Variants in HPS1 observed in about 807,000 individuals in gnomAD.
The protein encoded by HPS1 is HPS1 biogenesis of lysosomal organelles complex 3 subunit 1.
In HPS1, 59 loss-of-function variants were observed where a neutral mutation model predicts 90.6. That is an observed-to-expected ratio of 0.65 (90% CI 0.53 to 0.81). The LOEUF is 0.81. Ranked by LOEUF, HPS1 falls within the 30% of genes least tolerant of loss-of-function variation. The pLI is 0.00. For missense variants in HPS1, 849 were observed against 896.7 expected (o/e 0.95, Z 0.68); for synonymous variants, 388 against 384.4 (o/e 1.01, Z -0.11).
At chr10:98,428,611 T>C (rs566992524) in intron 10 of HPS1, among the ~76,000 whole-genome samples, 1 of 152,208 alleles carries the variant, frequency 6.6e-6, no homozygotes, top group Admixed American at 6.5e-5. Context: ...ATAAATTCCT[T>C]TCAAATCCTA....
At chr10:98,415,209 G>A, downstream of HPS1, 1 of 1,541,018 alleles carries the variant, frequency 6.5e-7, no homozygotes, top group East Asian at 2.3e-5. Context: ...TAGGCACGGG[G>A]TGGAGCAGGG....
At chr10:98,443,756 G>C (rs1359721762) in intron 2 of HPS1, among the ~76,000 whole-genome samples, 1 of 152,182 alleles carries the variant, frequency 6.6e-6, no homozygotes, top group Non-Finnish European at 1.5e-5. Flanking sequence ...TCCAGGGCTG[G>C]GCGCGGTGGC....
intron 3 of HPS1, among the ~76,000 whole-genome samples, chr10:98,437,459 A>T (rs150876334): frequency 7.0e-4 from 107 of 152,362 alleles, no homozygotes; most frequent in African/African-American, 2.4e-3. Flanking sequence ...GCAACAGACC[A>T]CGCATGATAG....
At chr10:98,437,088 C>G (rs1847448873) in intron 3 of HPS1, among the ~76,000 whole-genome samples, 1 of 152,132 alleles carries the variant, frequency 6.6e-6, no homozygotes, top group Admixed American at 6.5e-5. Context: ...CATTTAACTT[C>G]TCCAGACTAT....
rs747785567 is a variant in HPS1 at position 98,424,295 on chromosome 10, C to T, written c.1397+18G>A. The T allele has an allele frequency of 6.2e-7, 1 of 1,606,508 alleles. No individual in the cohort carries two copies. The highest frequency in any genetic ancestry group is 1.1e-5 in the South Asian group (1 of 90,122). On this transcript the variant is annotated intron_variant, in intron 14 of 19. Coordinates refer to ENST00000361490, the MANE Select transcript of HPS1 (RefSeq NM_000195.5). ...CTGGGCACACGACCCACCCCTTGTC[C>T]TGAGGCCCACCACTCACTCCCAGGA...
chr10:98,422,368 C>T lies in HPS1; in HGVS notation c.1743+1G>A, dbSNP rs2136122681. Reference sequence around the variant, plus strand: ...TCCCCGCCCTGGGTCCAAATGGTTACCTTAGTTTTGACAAAGGCAGCCAGC... The same window carrying T: ...TCCCCGCCCTGGGTCCAAATGGTTATCTTAGTTTTGACAAAGGCAGCCAGC... On this transcript the variant is annotated splice_donor_variant, in intron 17 of 19. Transcript: ENST00000361490. LOFTEE classifies it high-confidence loss of function. 1 of 1,461,386 alleles carries T rather than the reference C, an allele frequency of 6.8e-7. No homozygotes were observed. The highest frequency in any genetic ancestry group is 1.1e-5 in the South Asian group (1 of 88,616). 90.5% of individuals were successfully genotyped at this position (1,461,386 alleles called of 1,614,324 possible). A position where few individuals can be genotyped will look rare whatever the true frequency, so the allele number is the denominator to read the frequency against.
At chr10:98,426,745 AGTGTGTGTGTGT>A (rs58431822) in intron 11 of HPS1, among the ~76,000 whole-genome samples, 25 of 147,898 alleles carry the variant, frequency 1.7e-4, no homozygotes, top group East Asian at 5.9e-4. Context: ...GTACATATGT[AGTGTGTGTGTGT>A]GTGTGTGTGT....
At chr10:98,418,041 G>A (rs1039898362) in intron 19 of HPS1, 134 bp downstream of exon 19, 8 of 695,278 alleles carry the variant, frequency 1.2e-5, no homozygotes, top group African/African-American at 3.6e-5. Context: ...AGGGCCAGCC[G>A]GGAAGGTGTT....
At position 98,445,753 on chromosome 10, in the gene HPS1, T is replaced by C. The variant is rs1382950615; in HGVS notation, c.-105-349A>G. Among the ~76,000 whole-genome samples the C allele has an allele frequency of 6.6e-6, 1 of 151,942 alleles. No individual in the cohort carries two copies. The highest frequency in any genetic ancestry group is 1.5e-5 in the Non-Finnish European group (1 of 67,964). ...GGGAGACAGCATAGCACATCCCAGG[T>C]GGTGAGGATGCAGTCCCGGTGAAGG... On this transcript the variant is annotated intron_variant, in intron 1 of 19. Transcript: ENST00000361490. This position sits in a 1 kb window ranked among gnomAD's most constrained non-coding sequence, Gnocchi z 4.5.
intron 11 of HPS1, 165 bp downstream of exon 11, chr10:98,427,050 G>T: frequency 1.7e-6 from 1 of 592,786 alleles, no homozygotes; most frequent in Non-Finnish European, 3.0e-6. Context: ...CCTCTGGGCT[G>T]AGCTCTGGCA....
chr10:98,431,173 G>A lies in HPS1; in HGVS notation c.626C>T (p.Ala209Val). 7 of 1,614,172 alleles carry A rather than the reference G, an allele frequency of 4.3e-6. No individual in the cohort carries two copies. Among genetic ancestry groups the A allele is most frequent in the Non-Finnish European group, 5.9e-6 (7 of 1,180,032 alleles). Reference protein sequence around the residue: ...PERGGEEALHAFLLVHSKLLA... With the variant: ...PERGGEEALHVFLLVHSKLLA... The stretch of plus-strand genomic sequence containing the variant: ...CAGCTTGGAGTGCACGAGCAGGAAG[G>A]CATGCAGGGCCTCCTCGCCTCCCCG... Residue 209 changes from alanine to valine, a missense_variant, in exon 7 of 20, where the codon GCC becomes GTC. By Grantham distance (64) the Ala-to-Val change is moderately conservative. Transcript: ENST00000361490.
At chr10:98,426,040 C>T in intron 11 of HPS1, 55 bp from the exon 12 acceptor site, 1 of 1,467,750 alleles carries the variant, frequency 6.8e-7, no homozygotes, top group South Asian at 1.1e-5. Context: ...TGGACCCACC[C>T]ATTGCGGCCC....
chr10:98,441,508 C>CA (rs1938415770), intron 3 of HPS1, among the ~76,000 whole-genome samples: 1 of 152,116 alleles, frequency 6.6e-6, no homozygotes, highest in Non-Finnish European at 1.5e-5. Context: ...TCCATAAATG[C>CA]AAAATGGATA....
At chr10:98,415,571 C>T (rs1312485785), downstream of HPS1, among the ~76,000 whole-genome samples, 1 of 152,224 alleles carries the variant, frequency 6.6e-6, no homozygotes, top group African/African-American at 2.4e-5. Context: ...AACTGAAACG[C>T]CTGGGATGGC....
intron 6 of HPS1, among the ~76,000 whole-genome samples, chr10:98,433,717 G>T (rs1255260587): frequency 6.6e-6 from 1 of 152,172 alleles, no homozygotes; most frequent in Non-Finnish European, 1.5e-5. Context: ...TGAAGGAACT[G>T]TCTTCAAAGA....
intron 2 of HPS1, among the ~76,000 whole-genome samples, chr10:98,444,907 G>C (rs1470849598): frequency 6.6e-6 from 1 of 152,190 alleles, no homozygotes; most frequent in South Asian, 2.1e-4. Context: ...GCTGACCAGA[G>C]TGTATGGGTT....
intron 8 of HPS1, 36 bp downstream of exon 8, chr10:98,430,535 A>G (rs1354165434): frequency 1.3e-6 from 2 of 1,504,166 alleles, no homozygotes; most frequent in Non-Finnish European, 1.8e-6. Flanking sequence ...CTACCTCCCT[A>G]ATGGCCTCCC....
At chr10:98,428,702 T>A (rs1845934535) in intron 10 of HPS1, among the ~76,000 whole-genome samples, 1 of 149,964 alleles carries the variant, frequency 6.7e-6, no homozygotes, top group African/African-American at 2.5e-5. Context: ...GGACCCTTTT[T>A]TTTTTTTTTT....
intron 3 of HPS1, among the ~76,000 whole-genome samples, chr10:98,438,944 G>A (rs1046909279): frequency 7.2e-5 from 11 of 152,240 alleles, no homozygotes; most frequent in Middle Eastern, 3.4e-3. Context: ...GGTGCCCTGC[G>A]TCCTAGCCAT....
Sources: gnomAD v4.1 joint callset for allele counts (sites outside exome capture counted in the v4.1 genomes callset) on GRCh38, gnomAD v4.1.1 for gene constraint, Gnocchi (gnomAD v3.1) non-coding constraint, MANE v1.5 for transcripts, NCBI Gene and HGNC (gene_info 2026-07-23, HGNC 2026-07-21) for gene names.